POLQ: variants seen among roughly 807,000 people sequenced by gnomAD.
POLQ encodes the protein DNA polymerase theta.
POLQ carries 233 observed loss-of-function variants against 259.2 expected under a neutral mutation model. That is an observed-to-expected ratio of 0.90 (90% CI 0.81 to 1.00). The LOEUF (loss-of-function observed/expected upper bound fraction) is 1.00, where lower values mean the gene tolerates loss of function less well. Ranked by LOEUF, POLQ falls within the 50% of genes least tolerant of loss-of-function variation. The pLI, the probability that POLQ is intolerant of heterozygous loss-of-function variation, is 0.00. For missense variants in POLQ, 2,871 were observed against 3,051.6 expected, an observed-to-expected ratio of 0.94 and a Z score of 1.39; for synonymous variants, 1,025 against 1,048.8, an observed-to-expected ratio of 0.98 and a Z score of 0.44.
intron 25 of POLQ, among the ~76,000 whole-genome samples, chr3:121,458,634 C>A (rs1055018348): frequency 6.6e-6 from 1 of 152,130 alleles, no homozygotes; most frequent in Non-Finnish European, 1.5e-5. Context: ...AAATGCAGAA[C>A]CTCTCCAGGG....
At chr3:121,538,022 A>G (rs926493978) in intron 4 of POLQ, among the ~76,000 whole-genome samples, 2 of 152,150 alleles carry the variant, frequency 1.3e-5, no homozygotes, top group African/African-American at 4.8e-5. Flanking sequence ...GGCTAAACAA[A>G]CCCAGGGAAA....
chr3:121,481,853 C>A, intron 18 of POLQ, 41 bp from the exon 19 acceptor site: 1 of 1,543,946 alleles, frequency 6.5e-7, no homozygotes, highest in South Asian at 1.2e-5. Context: ...TGATTTTTTT[C>A]AAAGACACTT....
chr3:121,476,455 TACAC>T (rs71678533), intron 20 of POLQ, 81 bp downstream of exon 20: 343,027 of 724,436 alleles, frequency 0.47, 50,647 homozygotes, highest in East Asian at 0.59. Context: ...TTCAGGTAAA[TACAC>T]ACACACACAC....
At chr3:121,493,356 T>C (rs2048086920) in intron 15 of POLQ, 122 bp downstream of exon 15, 1 of 737,664 alleles carries the variant, frequency 1.4e-6, no homozygotes, top group Non-Finnish European at 2.1e-6. Context: ...TTTCTTCCAC[T>C]TACACCAAGT....
At chr3:121,541,899 G>A (rs966028068) in intron 2 of POLQ, among the ~76,000 whole-genome samples, 2 of 151,788 alleles carry the variant, frequency 1.3e-5, no homozygotes, top group Non-Finnish European at 2.9e-5. Flanking sequence ...CCAAGGCCGG[G>A]GGATCACTTG....
chr3:121,448,362 T>A (rs1181540316), intron 26 of POLQ, among the ~76,000 whole-genome samples: 1 of 151,954 alleles, frequency 6.6e-6, no homozygotes, highest in Non-Finnish European at 1.5e-5. Flanking sequence ...ATTCTTTTCA[T>A]TTTTTATTTT....
intron 24 of POLQ, among the ~76,000 whole-genome samples, chr3:121,463,199 C>T (rs1353254213): frequency 6.6e-6 from 1 of 152,094 alleles, no homozygotes; most frequent in Non-Finnish European, 1.5e-5. Context: ...GGTGGTTTCC[C>T]CCATACTGTT....
intron 2 of POLQ, 22 bp downstream of exon 2, chr3:121,544,705 T>C (rs1378958661): frequency 6.8e-7 from 1 of 1,471,500 alleles, no homozygotes; most frequent in Non-Finnish European, 9.5e-7. Flanking sequence ...AAATAGTAAT[T>C]AGTTTACATA....
chr3:121,520,153 G>T, intron 8 of POLQ, 70 bp from the exon 9 acceptor site: 1 of 845,802 alleles, frequency 1.2e-6, no homozygotes, highest in Non-Finnish European at 1.9e-6. Context: ...ACTTACAAAT[G>T]GATTTGAGAG....
Position 121,537,118 on chromosome 3 carries a change from G to A in POLQ, c.722C>T (p.Thr241Ile). 1 of 1,551,184 alleles carries A rather than the reference G, an allele frequency of 6.4e-7. No individual in the cohort carries two copies. The highest frequency in any genetic ancestry group is 8.9e-7 in the Non-Finnish European group (1 of 1,122,964). Residue 241 changes from threonine to isoleucine, a missense_variant, in exon 5 of 30, where the codon ACT (threonine) becomes ATT (isoleucine). Transcript: ENST00000264233. ...ELLLTKICYI[T>I]RKSASCQADL... is the part of the protein sequence containing the mutation. ...TACTTACCAAGATGCTGATTTCCGA[G>A]TAATATAGCAAATCTTGGTCAGCAA...
At chr3:121,494,803 G>A in intron 14 of POLQ, 2 of 1,497,286 alleles carry the variant, frequency 1.3e-6, no homozygotes, top group Non-Finnish European at 1.8e-6. Flanking sequence ...GATAGGATGA[G>A]ACCCACCGTC....
chr3:121,522,328 G>A (rs1283058052), intron 7 of POLQ, among the ~76,000 whole-genome samples, 179 bp from the exon 8 acceptor site: 2 of 75,666 alleles, frequency 2.6e-5, no homozygotes, highest in South Asian at 5.8e-4. Context: ...TTTTTGAGAC[G>A]GAGTCTCGCT....
chr3:121,489,899 C>T lies in POLQ; in HGVS notation c.3032G>A (p.Ser1011Asn). 1.3e-6 allele frequency: 2 copies of T among 1,598,386 alleles called. No homozygotes were observed. Among genetic ancestry groups the T allele is most frequent in the Non-Finnish European group, 1.7e-6 (2 of 1,176,162 alleles). The change falls in exon 16 of 30, where the codon AGT (serine) becomes AAT (asparagine). Residue 1011 changes from serine to asparagine, a missense_variant. By Grantham distance (46) the Ser-to-Asn change is conservative. Coordinates refer to ENST00000264233, the MANE Select transcript of POLQ (RefSeq NM_199420.4). Reference protein sequence around the residue: ...PGASQNEGKTSDKKVVQTFSQ... With the variant: ...PGASQNEGKTNDKKVVQTFSQ... ...AAAAGTCTGAACAACTTTCTTATCA[C>T]TTGTTTTCCCCTCATTCTGAGAGGC...
At chr3:121,454,662 C>A (rs1004229972) in intron 25 of POLQ, among the ~76,000 whole-genome samples, 4 of 152,176 alleles carry the variant, frequency 2.6e-5, no homozygotes, top group African/African-American at 4.8e-5. Flanking sequence ...GTAAAGGGAT[C>A]AATTCAACAA....
intron 15 of POLQ, among the ~76,000 whole-genome samples, chr3:121,491,938 T>C (rs75894028): frequency 0.036 from 5,499 of 152,260 alleles, 150 homozygotes; most frequent in Middle Eastern, 0.082. Flanking sequence ...CTACTGTGAA[T>C]TGTACATGCA....
At chr3:121,451,932 C>G (rs1379767442) in intron 25 of POLQ, among the ~76,000 whole-genome samples, 6 of 152,242 alleles carry the variant, frequency 3.9e-5, no homozygotes, top group Non-Finnish European at 8.8e-5. Flanking sequence ...TGGTGGGCTC[C>G]ACCCAGTTCG....
intron 13 of POLQ, among the ~76,000 whole-genome samples, chr3:121,498,047 A>G (rs1183097821): frequency 6.6e-6 from 1 of 151,948 alleles, no homozygotes; most frequent in Admixed American, 6.6e-5. Flanking sequence ...GTGGTGGCTC[A>G]CGCCTGTAAT....
chr3:121,476,416 T>C, intron 20 of POLQ, 124 bp downstream of exon 20: 2 of 612,248 alleles, frequency 3.3e-6, no homozygotes, highest in Non-Finnish European at 2.7e-6. Context: ...TCTGGTTAAC[T>C]GGCTGTTTCA....
chr3:121,473,217 A>G (rs2047899425), intron 21 of POLQ, 133 bp downstream of exon 21: 2 of 817,652 alleles, frequency 2.4e-6, no homozygotes, highest in African/African-American at 1.7e-5. Context: ...ACCACAAACC[A>G]ATGTGTTAAT....
Sources: allele counts gnomAD v4.1 joint callset (sites outside exome capture counted in the v4.1 genomes callset), GRCh38; gene constraint gnomAD v4.1.1; transcripts MANE v1.5; gene names NCBI Gene and HGNC (gene_info 2026-07-23, HGNC 2026-07-21).